The following SSUH2 variants were observed in gnomAD, a reference collection of about 807,000 sequenced individuals.
The protein encoded by SSUH2 is protein SSUH2 homolog.
Under a neutral mutation model 55.3 loss-of-function variants are expected in SSUH2, and 47 were observed. The ratio of observed to expected loss-of-function variants is 0.85; its 90% CI spans 0.67 to 1.08. SSUH2 has a LOEUF of 1.08. Among genes scored for constraint, SSUH2 ranks in the 50% least tolerant of loss-of-function variants. The pLI is 0.00. For missense variants in SSUH2, 535 were observed against 490.7 expected (o/e 1.09, Z -0.85); for synonymous variants, 212 against 191.5 (o/e 1.11, Z -0.89).
At chr3:8,622,232 G>GA (rs1286448531) in intron 11 of SSUH2, among the ~76,000 whole-genome samples, 2 of 152,072 alleles carry the variant, frequency 1.3e-5, no homozygotes, top group East Asian at 1.9e-4. Flanking sequence ...GGCAAAATTA[G>GA]AAAAAAGATT....
At chr3:8,637,417 G>A (rs1213551560) in intron 1 of SSUH2, among the ~76,000 whole-genome samples, 2 of 152,184 alleles carry the variant, frequency 1.3e-5, no homozygotes, top group East Asian at 3.8e-4. Flanking sequence ...CTGAAGCACT[G>A]GAAGGTTCAT....
chr3:8,626,234 G>T lies in SSUH2; in HGVS notation c.762C>A (p.Ile254=). 1 of 1,613,794 alleles carries T rather than the reference G, an allele frequency of 6.2e-7. No individual in the cohort carries two copies. Among genetic ancestry groups the T allele is most frequent in the Non-Finnish European group, 8.5e-7 (1 of 1,179,708 alleles). ...KKLLHFIQLV[I]MWKNSLFEFV... ...ATTGAGACACTGCCACATACCACAT[G>T]ATGACAAGCTGGATGAAGTGCAACA... The change falls in exon 9 of 12, where the codon ATC becomes ATA. Residue 254 remains isoleucine (I), a synonymous_variant. Coordinates refer to ENST00000544814, the MANE Select transcript of SSUH2 (RefSeq NM_001256748.3).
chr3:8,676,710 AAC>A (rs200916863), intron 3 of SSUH2, among the ~76,000 whole-genome samples: 3 of 103,218 alleles, frequency 2.9e-5, no homozygotes, highest in Non-Finnish European at 7.2e-5. Context: ...AGGCTGGGTG[AAC>A]ACAGCCTGCG....
intron 3 of SSUH2, among the ~76,000 whole-genome samples, chr3:8,675,596 C>G (rs1390737069): frequency 5.5e-5 from 2 of 36,052 alleles, no homozygotes; most frequent in Non-Finnish European, 1.8e-4. Flanking sequence ...AGCCCAGGAT[C>G]AGAAAGAAGC....
At chr3:8,652,606 C>G (rs956382348) in intron 7 of SSUH2, among the ~76,000 whole-genome samples, 2 of 149,242 alleles carry the variant, frequency 1.3e-5, no homozygotes, top group African/African-American at 5.2e-5. Flanking sequence ...TCCTTATTAC[C>G]CTAGGATAAA....
rs541719738 is a variant in SSUH2, at chr3:8,673,460, G to A, written c.-752-1425C>T. ...AGGAGGATGGTCAGGTGGTGGAGAG[G>A]CATGTTTTTGTGTACCAGCCCTTCA... On this transcript the variant is annotated intron_variant, in intron 3 of 18. Coordinates refer to the SSUH2 transcript ENST00000317371. Among the ~76,000 whole-genome samples the A allele has an allele frequency of 6.6e-5, 10 of 152,174 alleles. No individual in the cohort carries two copies. The South Asian group carries it at 1.9e-3, about 28-fold the overall frequency.
At chr3:8,674,812 T>C (rs542973766) in intron 3 of SSUH2, among the ~76,000 whole-genome samples, 1 of 152,034 alleles carries the variant, frequency 6.6e-6, no homozygotes, top group Non-Finnish European at 1.5e-5. Flanking sequence ...TGGAGACTTT[T>C]CTGAACTGAG....
At chr3:8,641,364 G>C (rs1318823719) in intron 1 of SSUH2, among the ~76,000 whole-genome samples, 3 of 152,172 alleles carry the variant, frequency 2.0e-5, no homozygotes, top group Non-Finnish European at 4.4e-5. Context: ...CGCAGTCTTT[G>C]GGGAGAAAAA....
chr3:8,671,268 G>T (rs1306353888), intron 4 of SSUH2: 1 of 167,576 alleles, frequency 6.0e-6, no homozygotes, highest in Non-Finnish European at 1.3e-5. Flanking sequence ...GACATTAGGG[G>T]TGACATCCCA....
At position 8,629,770 on chromosome 3, in the gene SSUH2, A is replaced by G. The variant is rs552459169; in HGVS notation, c.526-44T>C. On this transcript the variant is annotated intron_variant, in intron 6 of 11. Transcript: ENST00000544814. ...CTTGGGATCTAGTTTCCCAAGGGCC[A>G]CTTCTCCCACACCCATAACATCACC... 5.7e-6 allele frequency: 9 copies of G among 1,579,830 alleles called. No homozygotes were observed. In the Admixed American group the frequency reaches 1.3e-4, roughly 23 times the overall value.
rs780410165 is a variant in SSUH2, at chr3:8,625,541, C to T, written c.873+1G>A. The T allele has an allele frequency of 5.6e-6, 9 of 1,604,760 alleles. No homozygotes were observed. The South Asian group carries it at 8.8e-5, about 16-fold the overall frequency. On this transcript the variant is annotated splice_donor_variant, in intron 10 of 11. Transcript: ENST00000544814. LOFTEE classifies it high-confidence loss of function. ...TGTTCCCATCTACAATGCCCTCTTA[C>T]CACCGAGTTTTCATCCTTAAAGAGG...
At chr3:8,633,937 ATCTCC>A in intron 3 of SSUH2, 142 bp from the exon 4 acceptor site, 1 of 1,613,948 alleles carries the variant, frequency 6.2e-7, no homozygotes. Context: ...TGGGGAGGGC[ATCTCC>A]TGCAAAGGGG....
chr3:8,630,841 G>A lies in SSUH2; in HGVS notation c.489C>T (p.Thr163=). ...ACGAGTGAGGGACCTGGAACTTCCT[G>A]GTGTCTTCCTGAAACATCGGAGGAC... The part of the protein sequence containing the change: ...VQGPPMFQED[T]RKFQVPHSSL... Residue 163 remains threonine (T), a synonymous_variant, in exon 6 of 12, where the codon ACC becomes ACT. Coordinates refer to ENST00000544814, the MANE Select transcript of SSUH2 (RefSeq NM_001256748.3). 2 of 1,501,436 alleles carry A rather than the reference G, an allele frequency of 1.3e-6. No individual in the cohort carries two copies. The highest frequency in any genetic ancestry group is 1.8e-6 in the Non-Finnish European group (2 of 1,125,524). The allele number at this position is 1,501,436 out of a possible 1,614,324, so 93.0% of individuals were successfully genotyped here.
chr3:8,623,677 C>G lies in SSUH2; in HGVS notation c.874-21G>C, dbSNP rs374714214. 2.6e-4 allele frequency: 338 copies of G among 1,303,082 alleles called. 3 individuals carry two copies. The East Asian group carries it at 5.6e-3, about 22-fold the overall frequency. 80.7% of individuals were successfully genotyped at this position (1,303,082 alleles called of 1,614,324 possible). On this transcript the variant is annotated intron_variant, in intron 10 of 11. Coordinates refer to ENST00000544814, the MANE Select transcript of SSUH2 (RefSeq NM_001256748.3). ...TACACCTGGGGGAAAGAGAGAGAGA[C>G]ACAGACCACCTGGCTGCCGCACCTG... is the stretch of plus-strand genomic sequence containing the variant.
intron 1 of SSUH2, among the ~76,000 whole-genome samples, chr3:8,638,014 G>T (rs1700207511): frequency 6.6e-6 from 1 of 152,176 alleles, no homozygotes. Context: ...GAAAATAGGT[G>T]GTGGGTCCGA....
At chr3:8,645,432 T>C (rs1260210873), upstream of SSUH2, among the ~76,000 whole-genome samples, 2 of 152,232 alleles carry the variant, frequency 1.3e-5, no homozygotes, top group African/African-American at 4.8e-5. Context: ...TTTGGATTTG[T>C]AAAAGGTCTT....
Position 8,675,103 on chromosome 3 carries a change from A to G in SSUH2, c.-753+2103T>C, listed in dbSNP as rs565505678. Among the ~76,000 whole-genome samples, 3 of 152,252 alleles carry G rather than the reference A, an allele frequency of 2.0e-5. No individual in the cohort carries two copies. In the East Asian group the frequency reaches 5.8e-4, roughly 30 times the overall value. ...GCCAGTACAGGATTTGTGCTTGCTT[A>G]ATCAAGCTACACTGACTTTACATCC... On this transcript the variant is annotated intron_variant, in intron 3 of 18. Transcript: ENST00000317371.
intron 10 of SSUH2, among the ~76,000 whole-genome samples, chr3:8,624,616 G>C (rs759946154): frequency 6.6e-6 from 1 of 152,224 alleles, no homozygotes; most frequent in Non-Finnish European, 1.5e-5. Context: ...AACCTTTTCT[G>C]CTAAGAACCA....
At chr3:8,656,361 C>T (rs906516980) in intron 7 of SSUH2, among the ~76,000 whole-genome samples, 1 of 152,206 alleles carries the variant, frequency 6.6e-6, no homozygotes, top group African/African-American at 2.4e-5. Context: ...ATGAGGCCTC[C>T]TGGAACCTCG....
Sources: allele counts gnomAD v4.1 joint callset (sites outside exome capture counted in the v4.1 genomes callset), GRCh38; gene constraint gnomAD v4.1.1; transcripts MANE v1.5; gene names NCBI Gene and HGNC (gene_info 2026-07-23, HGNC 2026-07-21).